The following DENND5A variants were observed in gnomAD, a reference collection of about 807,000 sequenced individuals.
DENND5A encodes DENN domain-containing protein 5A.
DENND5A carries 64 observed loss-of-function variants against 140.3 expected under a neutral mutation model. The observed-to-expected ratio is 0.46, with a 90% CI of 0.37 to 0.56. The LOEUF is 0.56. DENND5A is among the 20% of genes least tolerant of loss of function. The pLI, the probability that DENND5A is intolerant of heterozygous loss-of-function variation, is 0.00. For synonymous variants in DENND5A, 605 were observed against 607.7 expected (o/e 1.00, Z 0.07); for missense variants, 1,292 against 1,593.8 (o/e 0.81, Z 3.22).
At chr11:9,147,911 G>A (rs1016782443) in intron 15 of DENND5A, among the ~76,000 whole-genome samples, 3 of 152,150 alleles carry the variant, frequency 2.0e-5, no homozygotes, top group African/African-American at 7.2e-5. Flanking sequence ...AACTGTCCTG[G>A]TTGTCCAAGC....
intron 1 of DENND5A, among the ~76,000 whole-genome samples, chr11:9,254,748 C>T (rs916441806): frequency 5.3e-5 from 8 of 152,074 alleles, no homozygotes; most frequent in Admixed American, 2.0e-4. Flanking sequence ...GAGGGATATC[C>T]TTTTCTCTTT....
chr11:9,230,057 T>C (rs952129590), intron 1 of DENND5A, among the ~76,000 whole-genome samples: 4 of 150,610 alleles, frequency 2.7e-5, no homozygotes, highest in African/African-American at 7.3e-5. Flanking sequence ...TACAGGCGCC[T>C]GCCACCACGT....
intron 15 of DENND5A, among the ~76,000 whole-genome samples, chr11:9,148,236 G>A (rs544495361): frequency 2.6e-5 from 4 of 152,062 alleles, no homozygotes; most frequent in South Asian, 4.2e-4. Flanking sequence ...GACAACTGTT[G>A]TACAGACAGG....
intron 1 of DENND5A, among the ~76,000 whole-genome samples, chr11:9,214,637 C>G (rs1345776803): frequency 6.6e-6 from 1 of 152,210 alleles, no homozygotes; most frequent in Non-Finnish European, 1.5e-5. Context: ...CTGTGATGCT[C>G]AGGAGTCAGA....
intron 1 of DENND5A, among the ~76,000 whole-genome samples, chr11:9,232,690 T>C (rs145203932): frequency 3.1e-4 from 47 of 152,256 alleles, no homozygotes; most frequent in African/African-American, 9.9e-4. Flanking sequence ...AACATGCGTA[T>C]ACCTATGACC....
Position 9,142,702 on chromosome 11 carries a change from C to A in DENND5A, c.3511+20G>T. ...TATCTCTACATGCTTCTCCCACCCT[C>A]ATACTCCAGCTCAACTCACCCAGGA... On this transcript the variant is annotated intron_variant, in intron 21 of 22. Transcript: ENST00000328194. 2 of 1,613,944 alleles carry A rather than the reference C, an allele frequency of 1.2e-6. No homozygotes were observed. The highest frequency in any genetic ancestry group is 1.7e-6 in the Non-Finnish European group (2 of 1,179,930).
chr11:9,224,714 C>T (rs533025038), intron 1 of DENND5A, among the ~76,000 whole-genome samples: 8 of 151,894 alleles, frequency 5.3e-5, no homozygotes, highest in Non-Finnish European at 1.0e-4. Flanking sequence ...CAAAAACAGC[C>T]GGGCGTGGTG....
rs572952720 is a variant in DENND5A at position 9,224,727 on chromosome 11, G to A, written c.110-17095C>T. Among the ~76,000 whole-genome samples the A allele has an allele frequency of 3.8e-4, 57 of 151,830 alleles. No homozygotes were observed. The South Asian group carries it at 6.4e-3, about 17-fold the overall frequency. Reference sequence around the variant, plus strand: ...TACAAAAACAGCCGGGCGTGGTGGCGCGCGCCTGTAATCCCAGCCACTCAG... The same window carrying A: ...TACAAAAACAGCCGGGCGTGGTGGCACGCGCCTGTAATCCCAGCCACTCAG... On this transcript the variant is annotated intron_variant, in intron 1 of 22. Transcript: ENST00000328194.
chr11:9,168,373 C>T (rs1836100860), intron 10 of DENND5A, among the ~76,000 whole-genome samples: 1 of 152,216 alleles, frequency 6.6e-6, no homozygotes, highest in African/African-American at 2.4e-5. Flanking sequence ...ACGTGACTTG[C>T]TCCCTCCTTG....
chr11:9,259,327 C>T (rs779637502), intron 1 of DENND5A, among the ~76,000 whole-genome samples: 8 of 151,638 alleles, frequency 5.3e-5, no homozygotes, highest in Non-Finnish European at 1.2e-4. Flanking sequence ...GGAAGGCCAA[C>T]GCAGGCGGAT....
At chr11:9,219,506 G>A (rs965987) in intron 1 of DENND5A, among the ~76,000 whole-genome samples, 150,292 of 151,928 alleles carry the variant, frequency 0.99, 74,355 homozygotes, top group Middle Eastern at 1. Context: ...CTCAAAAAAA[G>A]AATGTATTTT....
chr11:9,184,118 C>T (rs1196442083), intron 5 of DENND5A, among the ~76,000 whole-genome samples: 4 of 151,792 alleles, frequency 2.6e-5, no homozygotes, highest in South Asian at 2.1e-4. Context: ...TTTGGGAGGC[C>T]GAGGCGGGCG....
chr11:9,179,809 T>G (rs1448425859), intron 6 of DENND5A, among the ~76,000 whole-genome samples: 1 of 152,200 alleles, frequency 6.6e-6, no homozygotes, highest in Non-Finnish European at 1.5e-5. Context: ...CAAAACACCT[T>G]TTTAATCTCA....
intron 1 of DENND5A, among the ~76,000 whole-genome samples, chr11:9,213,266 A>G (rs915006310): frequency 6.6e-6 from 1 of 151,866 alleles, no homozygotes; most frequent in Non-Finnish European, 1.5e-5. Flanking sequence ...TCAGCCTCCC[A>G]AAGTGCTGGG....
intron 1 of DENND5A, among the ~76,000 whole-genome samples, chr11:9,212,591 G>A (rs971304938): frequency 6.6e-6 from 1 of 151,150 alleles, no homozygotes; most frequent in South Asian, 2.1e-4. Flanking sequence ...CTTCTCATCA[G>A]AAACAATGAA....
intron 15 of DENND5A, among the ~76,000 whole-genome samples, 197 bp downstream of exon 15, chr11:9,149,884 G>A (rs1847554694): frequency 6.6e-6 from 1 of 152,148 alleles, no homozygotes; most frequent in African/African-American, 2.4e-5. Flanking sequence ...GAGAAGACAG[G>A]GAGAACCAAT....
chr11:9,208,926 G>A (rs1849779779), intron 1 of DENND5A, among the ~76,000 whole-genome samples: 1 of 152,224 alleles, frequency 6.6e-6, no homozygotes, highest in Non-Finnish European at 1.5e-5. Flanking sequence ...CACCTGCAGA[G>A]CCCACCCATG....
rs1288971067 is a variant in DENND5A at position 9,253,220 on chromosome 11, TA to T, written c.109+11740del. Among the ~76,000 whole-genome samples, 6 of 152,088 alleles carry T rather than the reference TA, an allele frequency of 3.9e-5. No homozygotes were observed. In the East Asian group the frequency reaches 1.2e-3, roughly 29 times the overall value. On this transcript the variant is annotated intron_variant, in intron 1 of 22. Transcript: ENST00000328194. Reference sequence around the variant, plus strand: ...CCAACAAAGCCAAAAAACAAGCTTATAAAAGGATGTAGGACTGGAAAGGGGT... The same window carrying T: ...CCAACAAAGCCAAAAAACAAGCTTATAAAGGATGTAGGACTGGAAAGGGGT...
intron 1 of DENND5A, among the ~76,000 whole-genome samples, chr11:9,229,899 CTTTTTTTTTTTT>C (rs71062816): frequency 3.1e-5 from 2 of 64,904 alleles, no homozygotes; most frequent in East Asian, 5.5e-4. Context: ...GCTCCCATTT[CTTTTTTTTTTTT>C]TTTTTTTTTT....
Sources: allele counts gnomAD v4.1 joint callset (sites outside exome capture counted in the v4.1 genomes callset), GRCh38; gene constraint gnomAD v4.1.1; transcripts MANE v1.5; gene names NCBI Gene and HGNC (gene_info 2026-07-23, HGNC 2026-07-21).